The following CDH4 variants were observed in gnomAD, a reference collection of about 807,000 sequenced individuals.
CDH4 encodes the protein cadherin-4.
Under a neutral mutation model 86.0 loss-of-function variants are expected in CDH4, and 33 were observed. The observed-to-expected ratio is 0.38, with a 90% confidence interval of 0.29 to 0.51. The LOEUF (loss-of-function observed/expected upper bound fraction) is 0.51, where lower values mean the gene tolerates loss of function less well. Among genes scored for constraint, CDH4 ranks in the 20% least tolerant of loss-of-function variants. CDH4 has a pLI of 0.86. For missense variants in CDH4, 1,114 were observed against 1,307.4 expected, an observed-to-expected ratio of 0.85 and a Z score of 2.28; for synonymous variants, 555 against 549.4, an observed-to-expected ratio of 1.01 and a Z score of -0.14.
chr20:61,700,079 TG>T (rs1054239755), intron 2 of CDH4, among the ~76,000 whole-genome samples: 4 of 152,206 alleles, frequency 2.6e-5, no homozygotes, highest in Non-Finnish European at 5.9e-5. Flanking sequence ...AGGGGGCCTC[TG>T]GTCAGAGGAT....
chr20:61,427,655 G>T (rs1034910011), intron 2 of CDH4, among the ~76,000 whole-genome samples: 56 of 152,140 alleles, frequency 3.7e-4, no homozygotes, highest in African/African-American at 1.3e-3. Flanking sequence ...CTTCTGGGGT[G>T]TGCAGCCTAT....
intron 10 of CDH4, among the ~76,000 whole-genome samples, 197 bp from the exon 11 acceptor site, chr20:61,924,137 G>A (rs1383232177): frequency 6.6e-6 from 1 of 151,718 alleles, no homozygotes; most frequent in Non-Finnish European, 1.5e-5. Flanking sequence ...GGCCTGTCCT[G>A]TTGTGGGGCC....
At chr20:61,861,745 G>A (rs772820676) in intron 6 of CDH4, among the ~76,000 whole-genome samples, 19 of 152,296 alleles carry the variant, frequency 1.2e-4, no homozygotes, top group Non-Finnish European at 2.4e-4. Context: ...CAAGCGTCAC[G>A]TACACCATCA....
chr20:61,757,626 C>T (rs1435261987), intron 3 of CDH4, among the ~76,000 whole-genome samples: 1 of 152,200 alleles, frequency 6.6e-6, no homozygotes, highest in Non-Finnish European at 1.5e-5. Context: ...AAGGGCAGAC[C>T]TCAGTGCAGA....
rs545024336 is a variant in CDH4, at chr20:61,581,488, G to T, written c.170-162075G>T. ...CTCCATCTTCATGGCCAGTGAGGCG[G>T]CCTGCTCTGGTCCCTCTCTACTCCA... On this transcript the variant is annotated intron_variant, in intron 2 of 15. Transcript: ENST00000614565. 2.6e-5 allele frequency among the ~76,000 whole-genome samples: 4 copies of T among 152,186 alleles called. No individual in the cohort carries two copies. The East Asian group carries it at 7.8e-4, about 30-fold the overall frequency.
intron 3 of CDH4, among the ~76,000 whole-genome samples, chr20:61,750,185 A>G (rs1425913269): frequency 2.6e-5 from 4 of 152,316 alleles, no homozygotes; most frequent in Non-Finnish European, 5.9e-5. Flanking sequence ...AATGAAACAG[A>G]AAACAATAGA....
At chr20:61,259,416 G>A (rs2084117393) in intron 2 of CDH4, among the ~76,000 whole-genome samples, 1 of 152,188 alleles carries the variant, frequency 6.6e-6, no homozygotes, top group Non-Finnish European at 1.5e-5. Flanking sequence ...AGGCAAGAAT[G>A]TCATCCCATC....
intron 2 of CDH4, among the ~76,000 whole-genome samples, chr20:61,308,302 A>C (rs2084428132): frequency 6.6e-6 from 1 of 152,230 alleles, no homozygotes; most frequent in South Asian, 2.1e-4. Context: ...GTGAGTGCAC[A>C]TACTTAACCA....
At position 61,252,715 on chromosome 20, in the gene CDH4, C is replaced by A; in HGVS notation, c.57+145C>A. ...CCCGCTGCATCCAGCCCGGCGCCCG[C>A]GCTCGGCGAAGCTGCCTGCGGTCGG... On this transcript the variant is annotated intron_variant, in intron 1 of 15. Transcript: ENST00000614565. This position sits in a 1 kb window ranked among gnomAD's most constrained non-coding sequence, Gnocchi z 4.4. 1 of 379,018 alleles carries A rather than the reference C, an allele frequency of 2.6e-6. No homozygotes were observed. Among genetic ancestry groups the A allele is most frequent in the South Asian group, 1.3e-4 (1 of 7,784 alleles). 23.5% of individuals were successfully genotyped at this position (379,018 alleles called of 1,614,324 possible).
chr20:61,494,582 TGA>T (rs1311429857), intron 2 of CDH4, among the ~76,000 whole-genome samples: 6 of 152,236 alleles, frequency 3.9e-5, no homozygotes, highest in African/African-American at 1.4e-4. Context: ...AAAATATGTG[TGA>T]GAGAATAATT....
chr20:61,726,424 G>T (rs1463451208), intron 2 of CDH4, among the ~76,000 whole-genome samples: 1 of 152,150 alleles, frequency 6.6e-6, no homozygotes, highest in Non-Finnish European at 1.5e-5. Flanking sequence ...TGTGCTGGGT[G>T]TTTATTTCTC....
intron 2 of CDH4, among the ~76,000 whole-genome samples, chr20:61,357,067 G>T (rs186027515): frequency 2.0e-5 from 3 of 152,084 alleles, no homozygotes; most frequent in African/African-American, 7.2e-5. Context: ...TGAGATGCGG[G>T]GTGCCAGGTT....
intron 2 of CDH4, among the ~76,000 whole-genome samples, chr20:61,628,334 C>T (rs1332165566): frequency 3.3e-5 from 5 of 152,160 alleles, no homozygotes; most frequent in African/African-American, 1.2e-4. Flanking sequence ...CGGGCACCCC[C>T]ACCCCTGTGC....
chr20:61,670,742 G>T (rs1038553923), intron 2 of CDH4, among the ~76,000 whole-genome samples: 16 of 152,326 alleles, frequency 1.1e-4, no homozygotes, highest in African/African-American at 3.4e-4. Flanking sequence ...GTGGGGCCCA[G>T]GGTGTCAACG....
At chr20:61,328,597 A>G (rs1263753806) in intron 2 of CDH4, among the ~76,000 whole-genome samples, 1 of 152,178 alleles carries the variant, frequency 6.6e-6, no homozygotes, top group African/African-American at 2.4e-5. Flanking sequence ...CAGTCTGGGC[A>G]ACATGGCCAA....
Position 61,388,587 on chromosome 20 carries a change from C to A in CDH4, c.169+133650C>A, listed in dbSNP as rs537912944. 9.2e-5 allele frequency among the ~76,000 whole-genome samples: 14 copies of A among 152,288 alleles called. No individual in the cohort carries two copies. The South Asian group carries it at 2.7e-3, about 29-fold the overall frequency. On this transcript the variant is annotated intron_variant, in intron 2 of 15. Coordinates refer to ENST00000614565, the MANE Select transcript of CDH4 (RefSeq NM_001794.5). ...GGCCGTGAGTGTTGCCTGTGACATGCCCATTCATACCTTCTGCCCATGCTT... is the reference window on the plus strand; with the variant it reads ...GGCCGTGAGTGTTGCCTGTGACATGACCATTCATACCTTCTGCCCATGCTT...
intron 2 of CDH4, among the ~76,000 whole-genome samples, chr20:61,723,625 G>A (rs1014201654): frequency 5.9e-5 from 9 of 152,216 alleles, no homozygotes; most frequent in Non-Finnish European, 8.8e-5. Context: ...AGAAGTGAAC[G>A]CACCTGGGAC....
chr20:61,458,134 G>A (rs2085419751), intron 2 of CDH4, among the ~76,000 whole-genome samples: 1 of 150,188 alleles, frequency 6.7e-6, no homozygotes, highest in Non-Finnish European at 1.5e-5. Flanking sequence ...TGGTGGTGGT[G>A]GTGATGGTTA....
At chr20:61,552,176 A>C (rs2145674671) in intron 2 of CDH4, among the ~76,000 whole-genome samples, 1 of 152,388 alleles carries the variant, frequency 6.6e-6, no homozygotes, top group African/African-American at 2.4e-5. Flanking sequence ...GGATACCATC[A>C]AAAAAGTGAA....
Sources: gnomAD v4.1 joint callset for allele counts (sites outside exome capture counted in the v4.1 genomes callset) on GRCh38, gnomAD v4.1.1 for gene constraint, Gnocchi (gnomAD v3.1) non-coding constraint, MANE v1.5 for transcripts, NCBI Gene and HGNC (gene_info 2026-07-23, HGNC 2026-07-21) for gene names.